The following NCKAP5 variants were observed in gnomAD, a reference collection of about 807,000 sequenced individuals.
NCKAP5 encodes nck-associated protein 5.
A neutral mutation model predicts 167.0 loss-of-function variants in NCKAP5; 92 were observed. The ratio of observed to expected loss-of-function variants is 0.55; its 90% confidence interval spans 0.47 to 0.66. The LOEUF is 0.66. Ranked by LOEUF, NCKAP5 falls within the 30% of genes least tolerant of loss-of-function variation. The pLI, the probability that NCKAP5 is intolerant of heterozygous loss-of-function variation, is 0.00. For missense variants in NCKAP5, 2,378 were observed against 2,315.0 expected, an observed-to-expected ratio of 1.03 and a Z score of -0.56; for synonymous variants, 891 against 877.4, an observed-to-expected ratio of 1.02 and a Z score of -0.27.
At chr2:133,213,578 A>G in intron 5 of NCKAP5, 138 bp downstream of exon 5, 1 of 785,388 alleles carries the variant, frequency 1.3e-6, no homozygotes, top group East Asian at 2.7e-5. Context: ...ATTCTATTAT[A>G]AATACATCAT....
chr2:133,318,515 C>A (rs1377724792), intron 3 of NCKAP5, among the ~76,000 whole-genome samples: 7 of 152,126 alleles, frequency 4.6e-5, no homozygotes, highest in Admixed American at 4.6e-4. Flanking sequence ...AGCACTGCTG[C>A]CTTGTTTGAA....
the NCKAP5 span, among the ~76,000 whole-genome samples, chr2:133,606,258 T>C: frequency 1.3e-5 from 2 of 152,216 alleles, no homozygotes; most frequent in Admixed American, 6.5e-5. Flanking sequence ...CATATTATAA[T>C]ATCTCAGGAA....
Position 133,429,661 on chromosome 2 carries a change from C to T in NCKAP5, c.69+87797G>A, listed in dbSNP as rs150164324. Among the ~76,000 whole-genome samples, 420 of 151,206 alleles carry T rather than the reference C, an allele frequency of 2.8e-3. 2 individuals carry two copies. The highest frequency in any genetic ancestry group is 9.9e-3 in the African/African-American group (408 of 41,178). On this transcript the variant is annotated intron_variant, in intron 3 of 19. Coordinates refer to ENST00000409261, the MANE Select transcript of NCKAP5 (RefSeq NM_207363.3). Reference sequence around the variant, plus strand: ...AGGGACATAATTTTATTTTTTATGGCTGCATAGTATTCCACGGTGTTTATG... The same window carrying T: ...AGGGACATAATTTTATTTTTTATGGTTGCATAGTATTCCACGGTGTTTATG...
chr2:133,436,221 C>T (rs994812445), intron 3 of NCKAP5, among the ~76,000 whole-genome samples: 6 of 152,200 alleles, frequency 3.9e-5, no homozygotes, highest in Admixed American at 3.9e-4. Context: ...TCAGTTCTGG[C>T]TGCCTGTTAG....
intron 4 of NCKAP5, among the ~76,000 whole-genome samples, chr2:133,258,612 G>A (rs1270901541): frequency 1.3e-5 from 2 of 152,072 alleles, no homozygotes; most frequent in Non-Finnish European, 2.9e-5. Flanking sequence ...AGGCATGATG[G>A]TGCATGCCTA....
At chr2:132,932,807 T>C (rs1696495777) in intron 8 of NCKAP5, among the ~76,000 whole-genome samples, 1 of 152,010 alleles carries the variant, frequency 6.6e-6, no homozygotes. Flanking sequence ...CATTCTTAGT[T>C]CCCATCTGGG....
intron 6 of NCKAP5, among the ~76,000 whole-genome samples, chr2:133,062,207 C>T (rs1326288787): frequency 2.0e-5 from 3 of 151,982 alleles, no homozygotes; most frequent in African/African-American, 7.2e-5. Context: ...ATGGTAAAGA[C>T]AAAAAAGCCA....
intron 4 of NCKAP5, among the ~76,000 whole-genome samples, chr2:133,300,120 A>G (rs1680273640): frequency 1.5e-5 from 2 of 130,004 alleles, no homozygotes; most frequent in Non-Finnish European, 3.2e-5. Context: ...AGGCTCTGAA[A>G]TTGTGGCAAT....
intron 16 of NCKAP5, among the ~76,000 whole-genome samples, chr2:132,765,111 G>T (rs17397463): frequency 1.3e-5 from 2 of 151,930 alleles, no homozygotes; most frequent in African/African-American, 4.8e-5. Flanking sequence ...GACCAATTAC[G>T]TATTTATTCA....
intron 9 of NCKAP5, among the ~76,000 whole-genome samples, chr2:132,875,828 G>A (rs1441261420): frequency 6.6e-6 from 1 of 152,182 alleles, no homozygotes; most frequent in African/African-American, 2.4e-5. Flanking sequence ...CAGTAGCGGT[G>A]AGGATGAAGT....
At chr2:133,507,013 A>G (rs1344317133) in intron 3 of NCKAP5, among the ~76,000 whole-genome samples, 1 of 150,880 alleles carries the variant, frequency 6.6e-6, no homozygotes, top group African/African-American at 2.4e-5. Context: ...TCAGGGACCT[A>G]CCAAACTGGG....
At chr2:133,053,639 T>C (rs1459728624) in intron 6 of NCKAP5, among the ~76,000 whole-genome samples, 3 of 152,190 alleles carry the variant, frequency 2.0e-5, no homozygotes, top group Non-Finnish European at 4.4e-5. Context: ...CTAATCTGTT[T>C]CCCTTACCAT....
chr2:133,650,011 T>C, the NCKAP5 span, among the ~76,000 whole-genome samples: 3 of 152,054 alleles, frequency 2.0e-5, no homozygotes, highest in Non-Finnish European at 2.9e-5. Flanking sequence ...AATAAATGAA[T>C]TTAGTAAAGT....
At chr2:133,094,544 C>G (rs1022227358) in intron 6 of NCKAP5, among the ~76,000 whole-genome samples, 1 of 152,100 alleles carries the variant, frequency 6.6e-6, no homozygotes, top group Non-Finnish European at 1.5e-5. Flanking sequence ...GCATTTGGTA[C>G]TGTTTTGGGT....
chr2:132,725,522 A>G (rs919356845), intron 19 of NCKAP5, 105 bp downstream of exon 19: 3 of 1,371,168 alleles, frequency 2.2e-6, no homozygotes, highest in Non-Finnish European at 2.9e-6. Flanking sequence ...ACATGAAGAA[A>G]AAACATAAAA....
At chr2:132,902,272 G>A (rs1045047550) in intron 8 of NCKAP5, among the ~76,000 whole-genome samples, 2 of 152,178 alleles carry the variant, frequency 1.3e-5, no homozygotes, top group African/African-American at 4.8e-5. Context: ...GTGTAAAGAA[G>A]GCATTTATCA....
intron 5 of NCKAP5, among the ~76,000 whole-genome samples, chr2:133,140,109 G>A (rs1293996247): frequency 6.6e-6 from 1 of 152,146 alleles, no homozygotes; most frequent in Non-Finnish European, 1.5e-5. Context: ...TTGTTGTCAT[G>A]TTAATTGATC....
intron 19 of NCKAP5, among the ~76,000 whole-genome samples, chr2:132,699,203 G>A (rs780789185): frequency 3.9e-4 from 59 of 152,316 alleles, no homozygotes; most frequent in Non-Finnish European, 7.1e-4. Flanking sequence ...CTTTATGGAT[G>A]ATAGTAGACA....
chr2:133,039,205 T>C (rs553095509), intron 6 of NCKAP5, among the ~76,000 whole-genome samples: 1 of 152,324 alleles, frequency 6.6e-6, no homozygotes, highest in South Asian at 2.1e-4. Flanking sequence ...GTCTCAGCAA[T>C]GGGTGTTAGA....
Sources: gnomAD v4.1 joint callset for allele counts (sites outside exome capture counted in the v4.1 genomes callset) on GRCh38, gnomAD v4.1.1 for gene constraint, MANE v1.5 for transcripts, NCBI Gene and HGNC (gene_info 2026-07-23, HGNC 2026-07-21) for gene names.